The following GRM3 variants were observed in gnomAD, a reference collection of about 807,000 sequenced individuals.
GRM3 encodes glutamate metabotropic receptor 3.
In GRM3, 26 loss-of-function variants were observed where a neutral mutation model predicts 70.5. The observed-to-expected ratio is 0.37, with a 90% CI of 0.27 to 0.51. The LOEUF (loss-of-function observed/expected upper bound fraction) is 0.51. Among genes scored for constraint, GRM3 ranks in the 20% least tolerant of loss-of-function variants. The pLI, the probability that GRM3 is intolerant of heterozygous loss-of-function variation, is 0.93. For missense variants in GRM3, 859 were observed against 1,123.8 expected, an observed-to-expected ratio of 0.76 and a Z score of 3.37; for synonymous variants, 443 against 434.9, an observed-to-expected ratio of 1.02 and a Z score of -0.23.
chr7:86,864,621 G>T lies in GRM3; in HGVS notation c.*266G>T. ...AGCATTGGTGACAGGGTCTGACATG[G>T]TCAGTCTACTAAAAAACAAAAAAAA... On this transcript the variant is annotated 3_prime_UTR_variant, in exon 6 of 6. Transcript: ENST00000361669. The T allele has an allele frequency of 3.3e-5, 7 of 214,878 alleles. No individual in the cohort carries two copies. The highest frequency in any genetic ancestry group is 2.6e-5 in the African/African-American group (1 of 38,036). 13.3% of individuals were successfully genotyped at this position (214,878 alleles called of 1,614,324 possible).
intron 1 of GRM3, among the ~76,000 whole-genome samples, chr7:86,732,571 T>C (rs1795759545): frequency 6.6e-6 from 1 of 152,204 alleles, no homozygotes; most frequent in South Asian, 2.1e-4. Context: ...TTTTTGAGCA[T>C]TTACTATGTG....
intron 5 of GRM3, among the ~76,000 whole-genome samples, chr7:86,856,627 C>T (rs1318377688): frequency 1.3e-5 from 2 of 152,058 alleles, no homozygotes; most frequent in Non-Finnish European, 2.9e-5. Context: ...CCACAGCATT[C>T]CTGAGAATCT....
intron 5 of GRM3, among the ~76,000 whole-genome samples, chr7:86,854,280 C>T (rs1180414521): frequency 6.6e-6 from 1 of 152,120 alleles, no homozygotes; most frequent in Non-Finnish European, 1.5e-5. Context: ...TACCACATTA[C>T]TTTGGAGTCT....
chr7:86,791,353 G>C (rs1386239341), intron 3 of GRM3, among the ~76,000 whole-genome samples: 2 of 152,168 alleles, frequency 1.3e-5, no homozygotes, highest in African/African-American at 4.8e-5. Flanking sequence ...TGTCAAGAAA[G>C]GAAAGTGTAT....
chr7:86,846,092 G>C (rs1199160783), intron 4 of GRM3, among the ~76,000 whole-genome samples: 1 of 152,138 alleles, frequency 6.6e-6, no homozygotes, highest in Non-Finnish European at 1.5e-5. Flanking sequence ...CTGATGGTAG[G>C]AATTTGTCTA....
At chr7:86,846,531 A>G (rs1422665925) in intron 4 of GRM3, among the ~76,000 whole-genome samples, 3 of 152,186 alleles carry the variant, frequency 2.0e-5, no homozygotes, top group Non-Finnish European at 4.4e-5. Context: ...TGTTAGTACT[A>G]GTTATTAGAA....
intron 1 of GRM3, among the ~76,000 whole-genome samples, chr7:86,687,712 G>A (rs1035422882): frequency 3.3e-5 from 5 of 151,890 alleles, no homozygotes; most frequent in African/African-American, 7.2e-5. Context: ...TGGGGTAAAC[G>A]TAATTGCATA....
chr7:86,782,028 A>T (rs1335942368), intron 2 of GRM3, among the ~76,000 whole-genome samples: 1 of 152,136 alleles, frequency 6.6e-6, no homozygotes, highest in African/African-American at 2.4e-5. Context: ...ACTCTTATTA[A>T]ACCCATGCTG....
intron 1 of GRM3, among the ~76,000 whole-genome samples, chr7:86,717,199 G>A (rs2116207119): frequency 6.6e-6 from 1 of 152,016 alleles, no homozygotes; most frequent in Non-Finnish European, 1.5e-5. Flanking sequence ...ATGTAGTTTT[G>A]TTACCCTCCA....
Position 86,839,265 on chromosome 7 carries a change from C to G in GRM3, c.1751C>G (p.Ala584Gly), listed in dbSNP as rs1798515869. ...TGGGCCATTGGCCCAGTCACCATTGCCTGTCTGGGTTTTATGTGTACATGC... is the reference window on the plus strand; with the variant it reads ...TGGGCCATTGGCCCAGTCACCATTGGCTGTCTGGGTTTTATGTGTACATGC... ...DAWAIGPVTI[A>G]CLGFMCTCMV... Residue 584 changes from alanine (A) to glycine (G), a missense_variant, in exon 4 of 6, where the codon GCC becomes GGC. Ala to Gly is a moderately conservative substitution (Grantham distance 60). Coordinates refer to ENST00000361669, the MANE Select transcript of GRM3 (RefSeq NM_000840.3). The surrounding 1 kb of genome is among the most constrained non-coding windows in gnomAD (Gnocchi z 4.5). The G allele has an allele frequency of 6.2e-7, 1 of 1,613,366 alleles. No individual in the cohort carries two copies. Among genetic ancestry groups the G allele is most frequent in the Admixed American group, 1.7e-5 (1 of 59,996 alleles).
chr7:86,717,861 G>C (rs888490229), intron 1 of GRM3, among the ~76,000 whole-genome samples: 2 of 151,678 alleles, frequency 1.3e-5, no homozygotes, highest in Non-Finnish European at 2.9e-5. Context: ...AGAACAGGAA[G>C]AAAACATGAA....
intron 1 of GRM3, among the ~76,000 whole-genome samples, chr7:86,651,837 C>T (rs1260535886): frequency 6.6e-6 from 1 of 152,184 alleles, no homozygotes; most frequent in Non-Finnish European, 1.5e-5. Flanking sequence ...GTCCCACTTC[C>T]CCCAACACCC....
intron 1 of GRM3, among the ~76,000 whole-genome samples, chr7:86,652,379 G>A (rs1308788522): frequency 6.6e-6 from 1 of 152,156 alleles, no homozygotes; most frequent in African/African-American, 2.4e-5. Flanking sequence ...TGCCCAGGCT[G>A]GAGTGCAGTG....
chr7:86,678,796 T>C (rs1794369835), intron 1 of GRM3, among the ~76,000 whole-genome samples: 1 of 152,028 alleles, frequency 6.6e-6, no homozygotes, highest in Admixed American at 6.6e-5. Flanking sequence ...CCTTAGAAGG[T>C]AATACAGAGC....
At chr7:86,821,104 T>G (rs576595129) in intron 3 of GRM3, among the ~76,000 whole-genome samples, 16 of 152,048 alleles carry the variant, frequency 1.1e-4, no homozygotes, top group Non-Finnish European at 2.1e-4. Flanking sequence ...AATTCACAAA[T>G]GACTTGCAAA....
chr7:86,658,972 A>G (rs1793824331), intron 1 of GRM3, among the ~76,000 whole-genome samples: 1 of 152,154 alleles, frequency 6.6e-6, no homozygotes, highest in African/African-American at 2.4e-5. Flanking sequence ...TTTTGAAAAC[A>G]TTTTATCTGT....
chr7:86,780,846 A>G (rs1007544288), intron 2 of GRM3, among the ~76,000 whole-genome samples: 6 of 152,226 alleles, frequency 3.9e-5, no homozygotes, highest in African/African-American at 1.4e-4. Context: ...TTTTGATAGC[A>G]AGGGATGATT....
At chr7:86,729,130 T>C (rs1795661299) in intron 1 of GRM3, among the ~76,000 whole-genome samples, 1 of 152,206 alleles carries the variant, frequency 6.6e-6, no homozygotes, top group Non-Finnish European at 1.5e-5. Context: ...GCAGATTTTT[T>C]TTTTAGTTGA....
At chr7:86,714,188 G>T (rs912595428) in intron 1 of GRM3, among the ~76,000 whole-genome samples, 2 of 151,914 alleles carry the variant, frequency 1.3e-5, no homozygotes, top group Admixed American at 6.6e-5. Flanking sequence ...TTCTCACACA[G>T]ATATTTCCCC....
Sources: gnomAD v4.1 joint callset for allele counts (sites outside exome capture counted in the v4.1 genomes callset) on GRCh38, gnomAD v4.1.1 for gene constraint, Gnocchi (gnomAD v3.1) non-coding constraint, MANE v1.5 for transcripts, NCBI Gene and HGNC (gene_info 2026-07-23, HGNC 2026-07-21) for gene names.